Variants in PPP1R2B observed in about 807,000 individuals in gnomAD.
PPP1R2B encodes the protein protein phosphatase inhibitor 2 family member B.
In PPP1R2B, 13 loss-of-function variants were observed where a neutral mutation model predicts 17.6. The ratio of observed to expected loss-of-function variants is 0.74; its 90% CI spans 0.48 to 1.17. The LOEUF (loss-of-function observed/expected upper bound fraction) is 1.17, where lower values mean the gene tolerates loss of function less well. Among genes scored for constraint, PPP1R2B ranks in the 50% most tolerant of loss-of-function variants. The pLI is 0.00. For missense variants in PPP1R2B, 230 were observed against 252.4 expected, an observed-to-expected ratio of 0.91 and a Z score of 0.60; for synonymous variants, 105 against 95.4, an observed-to-expected ratio of 1.10 and a Z score of -0.59.
Position 156,850,849 on chromosome 5 carries a change from C to T in PPP1R2B, c.287C>T (p.Ala96Val). 4 of 1,560,112 alleles carry T rather than the reference C, an allele frequency of 2.6e-6. No individual in the cohort carries two copies. The highest frequency in any genetic ancestry group is 3.5e-6 in the Non-Finnish European group (4 of 1,132,066). The change falls in exon 1 of 1, where the codon GCG becomes GTG. Residue 96 changes from alanine (A) to valine (V), a missense_variant. Coordinates refer to ENST00000522232, the MANE Select transcript of PPP1R2B (RefSeq NM_206858.3). ...GACACCGAGACCACTGAAGCCATGG[C>T]GCCAGACATCCTAGCCAAGAAATTA... Reference protein sequence around the residue: ...CRDTETTEAMAPDILAKKLAA... With the variant: ...CRDTETTEAMVPDILAKKLAA...
chr5:156,851,276 C>G lies in PPP1R2B; in HGVS notation c.*96C>G. 1.1e-6 allele frequency: 1 copy of G among 946,818 alleles called. No homozygotes were observed. The highest frequency in any genetic ancestry group is 1.7e-6 in the Non-Finnish European group (1 of 594,216). The allele number at this position is 946,818 out of a possible 1,614,324, so 58.7% of individuals were successfully genotyped here. On this transcript the variant is annotated 3_prime_UTR_variant, in exon 1 of 1. Transcript: ENST00000522232. Reference sequence around the variant, plus strand: ...TCTCCACAATTCATGACTTAAGTACCAAAATGCATACCAGTTATTATATAT... The same window carrying G: ...TCTCCACAATTCATGACTTAAGTACGAAAATGCATACCAGTTATTATATAT...
At position 156,850,580 on chromosome 5, in the gene PPP1R2B, C is replaced by A. The variant is rs1396851536; in HGVS notation, c.18C>A (p.Ala6=). The change falls in exon 1 of 1, where the codon GCC becomes GCA. Residue 6 remains alanine, a synonymous_variant. Coordinates refer to ENST00000522232, the MANE Select transcript of PPP1R2B (RefSeq NM_206858.3). ...GCCCGGCAATGGCGGCCTCGACGGC[C>A]TCCCACCGGCCCATCAAGGGGATCT... The part of the protein sequence containing the change: MAAST[A]SHRPIKGILK... The A allele has an allele frequency of 6.3e-6, 10 of 1,591,552 alleles. No homozygotes were observed. The highest frequency in any genetic ancestry group is 8.6e-6 in the Non-Finnish European group (10 of 1,168,960).
At position 156,850,394 on chromosome 5, in the gene PPP1R2B, G is replaced by T. The variant is rs1307903899; in HGVS notation, c.-169G>T. 3 of 780,556 alleles carry T rather than the reference G, an allele frequency of 3.8e-6. No homozygotes were observed. The highest frequency in any genetic ancestry group is 3.5e-5 in the African/African-American group (2 of 56,742). The allele number at this position is 780,556 out of a possible 1,614,324, so 48.4% of individuals were successfully genotyped here. On this transcript the variant is annotated 5_prime_UTR_variant, in exon 1 of 1. Transcript: ENST00000522232. ...CCCATTCGGCGTTGGCTCTGGCGTCGGGGTCGTTGTGACAACCGCTCCAGT... is the reference window on the plus strand; with the variant it reads ...CCCATTCGGCGTTGGCTCTGGCGTCTGGGTCGTTGTGACAACCGCTCCAGT...
chr5:156,852,280 G>T lies in PPP1R2B; in HGVS notation c.*1100G>T, dbSNP rs1561530180. The T allele has an allele frequency of 6.6e-6, 1 of 152,026 alleles. No individual in the cohort carries two copies. Among genetic ancestry groups the T allele is most frequent in the African/African-American group, 2.4e-5 (1 of 41,404 alleles). The allele number at this position is 152,026 out of a possible 1,614,324, so 9.4% of individuals were successfully genotyped here. A position where few individuals can be genotyped will look rare whatever the true frequency, so the allele number is the denominator to read the frequency against. ...ATTAGTTTGGCTTAATTAGACTTAA[G>T]AAAACAACCGAGGGTTTTTTTTTGT... On this transcript the variant is annotated 3_prime_UTR_variant, in exon 1 of 1. Coordinates refer to ENST00000522232, the MANE Select transcript of PPP1R2B (RefSeq NM_206858.3).
At position 156,850,902 on chromosome 5, in the gene PPP1R2B, T is replaced by C. The variant is rs771361585; in HGVS notation, c.340T>C (p.Tyr114His). The C allele has an allele frequency of 1.2e-6, 2 of 1,610,590 alleles. No individual in the cohort carries two copies. Among genetic ancestry groups the C allele is most frequent in the Non-Finnish European group, 1.7e-6 (2 of 1,177,952 alleles). The change falls in exon 1 of 1, where the codon TAC becomes CAC. Residue 114 changes from tyrosine (Y) to histidine (H), a missense_variant. By Grantham distance (83) the Tyr-to-His change is moderately conservative. Coordinates refer to ENST00000522232, the MANE Select transcript of PPP1R2B (RefSeq NM_206858.3). ...TGCTGCTGAAGGCTTGGAGCCAAAGTACCGGATTCAGGAACAAGAAAGCAG... is the reference window on the plus strand; with the variant it reads ...TGCTGCTGAAGGCTTGGAGCCAAAGCACCGGATTCAGGAACAAGAAAGCAG... Reference protein sequence around the residue: ...LAAAEGLEPKYRIQEQESSGE... With the variant: ...LAAAEGLEPKHRIQEQESSGE...
Position 156,850,664 on chromosome 5 carries a change from G to C in PPP1R2B, c.102G>C (p.Arg34Ser). Residue 34 changes from arginine (R) to serine (S), a missense_variant, in exon 1 of 1, where the codon AGG (arginine) becomes AGC (serine). Physicochemically the swap from Arg to Ser is moderately radical, Grantham distance 110. Coordinates refer to ENST00000522232, the MANE Select transcript of PPP1R2B (RefSeq NM_206858.3). ...TGGCGTCGGCCGAACAGCCCCGCAG[G>C]AGTGTCGACGAGGAGCTGAGCAAAA... ...SMVASAEQPR[R>S]SVDEELSKKS... is the part of the protein sequence containing the mutation. 1 of 1,589,522 alleles carries C rather than the reference G, an allele frequency of 6.3e-7. No homozygotes were observed.
Position 156,850,935 on chromosome 5 carries a change from G to A in PPP1R2B, c.373G>A (p.Glu125Lys). 1 of 1,612,496 alleles carries A rather than the reference G, an allele frequency of 6.2e-7. No homozygotes were observed. Among genetic ancestry groups the A allele is most frequent in the Non-Finnish European group, 8.5e-7 (1 of 1,178,684 alleles). The change falls in exon 1 of 1, where the codon GAG becomes AAG. Residue 125 changes from glutamate (E) to lysine (K), a missense_variant. Transcript: ENST00000522232. ...TCAGGAACAAGAAAGCAGTGGAGAG[G>A]AGGATAGTGACCTCTCACCTGAAGA... ...RIQEQESSGE[E>K]DSDLSPEERE... is the part of the protein sequence containing the mutation.
At position 156,852,172 on chromosome 5, in the gene PPP1R2B, A is replaced by G. The variant is rs1426662328; in HGVS notation, c.*992A>G. ...ACATGAAGAAAATAGATTGAGTAGC[A>G]GCAGTACTATAGGCAGGAAATACAG... On this transcript the variant is annotated 3_prime_UTR_variant, in exon 1 of 1. Transcript: ENST00000522232. 6.6e-6 allele frequency: 1 copy of G among 152,188 alleles called. No homozygotes were observed. The highest frequency in any genetic ancestry group is 1.5e-5 in the Non-Finnish European group (1 of 68,000). The allele number at this position is 152,188 out of a possible 1,614,324, so 9.4% of individuals were successfully genotyped here. A position where few individuals can be genotyped will look rare whatever the true frequency, so the allele number is the denominator to read the frequency against.
In PPP1R2B at chr5:156,852,399, A is replaced by G. The variant is rs1391465640; in HGVS notation, c.*1219A>G. The G allele has an allele frequency of 6.6e-6, 1 of 152,066 alleles. No individual in the cohort carries two copies. The highest frequency in any genetic ancestry group is 1.5e-5 in the Non-Finnish European group (1 of 67,970). The allele number at this position is 152,066 out of a possible 1,614,324, so 9.4% of individuals were successfully genotyped here. A position where few individuals can be genotyped will look rare whatever the true frequency, so the allele number is the denominator to read the frequency against. On this transcript the variant is annotated 3_prime_UTR_variant, in exon 1 of 1. Transcript: ENST00000522232. ...CAGAAGTAAGCCTGGACATTTTTTA[A>G]TTTAAAAACTTTAAATAGTCCCTGC...
At position 156,851,322 on chromosome 5, in the gene PPP1R2B, A is replaced by C. The variant is rs1447028332; in HGVS notation, c.*142A>C. ...TATATTGCCAAGAATTAAATGATAA[A>C]CTTAGAGACTAATTAGACTGAAAAT... On this transcript the variant is annotated 3_prime_UTR_variant, in exon 1 of 1. Transcript: ENST00000522232. 1 of 690,774 alleles carries C rather than the reference A, an allele frequency of 1.4e-6. No individual in the cohort carries two copies. The highest frequency in any genetic ancestry group is 1.8e-5 in the African/African-American group (1 of 55,678). 42.8% of individuals were successfully genotyped at this position (690,774 alleles called of 1,614,324 possible).
In PPP1R2B at chr5:156,850,336, T is replaced by G. The variant is rs922038790; in HGVS notation, c.-227T>G. Among the ~76,000 whole-genome samples, 1 of 147,504 alleles carries G rather than the reference T, an allele frequency of 6.8e-6. No homozygotes were observed. Among genetic ancestry groups the G allele is most frequent in the Admixed American group, 7.0e-5 (1 of 14,222 alleles). On this transcript the variant is annotated 5_prime_UTR_variant, in exon 1 of 1. Coordinates refer to ENST00000522232, the MANE Select transcript of PPP1R2B (RefSeq NM_206858.3). ...ATCTCTCCGCGAGCCGCGGGTCAAG[T>G]GCCGGCGGCTAATGGTGCGCGAGGA...
In PPP1R2B at chr5:156,850,671, G is replaced by C. The variant is rs546353522; in HGVS notation, c.109G>C (p.Asp37His). The change falls in exon 1 of 1, where the codon GAC becomes CAC. Residue 37 changes from aspartate to histidine, a missense_variant. Coordinates refer to ENST00000522232, the MANE Select transcript of PPP1R2B (RefSeq NM_206858.3). Reference sequence around the variant, plus strand: ...GGCCGAACAGCCCCGCAGGAGTGTCGACGAGGAGCTGAGCAAAAAATCCCA... The same window carrying C: ...GGCCGAACAGCCCCGCAGGAGTGTCCACGAGGAGCTGAGCAAAAAATCCCA... ...ASAEQPRRSV[D>H]EELSKKSQKW... 1.9e-6 allele frequency: 3 copies of C among 1,587,550 alleles called. No homozygotes were observed. The highest frequency in any genetic ancestry group is 2.2e-5 in the South Asian group (2 of 90,266).
chr5:156,850,859 C>T lies in PPP1R2B; in HGVS notation c.297C>T (p.Ile99=). ...TETTEAMAPD[I]LAKKLAAAEG... ...CCACTGAAGCCATGGCGCCAGACAT[C>T]CTAGCCAAGAAATTAGCTGCTGCTG... The change falls in exon 1 of 1, where the codon ATC becomes ATT. Residue 99 remains isoleucine (I), a synonymous_variant. Transcript: ENST00000522232. 6.3e-7 allele frequency: 1 copy of T among 1,581,678 alleles called. No individual in the cohort carries two copies. The highest frequency in any genetic ancestry group is 1.4e-5 in the African/African-American group (1 of 74,020).
Position 156,850,506 on chromosome 5 carries a change from T to C in PPP1R2B, c.-57T>C. 6.4e-7 allele frequency: 1 copy of C among 1,556,428 alleles called. No individual in the cohort carries two copies. The highest frequency in any genetic ancestry group is 2.4e-5 in the East Asian group (1 of 41,714). ...CGAGTCTCTGCTGTGCCGACCCTTCTCTTCGCGGACCCCACGCCAAGCAGC... is the reference window on the plus strand; with the variant it reads ...CGAGTCTCTGCTGTGCCGACCCTTCCCTTCGCGGACCCCACGCCAAGCAGC... On this transcript the variant is annotated 5_prime_UTR_variant, in exon 1 of 1. Coordinates refer to ENST00000522232, the MANE Select transcript of PPP1R2B (RefSeq NM_206858.3).
At position 156,850,993 on chromosome 5, in the gene PPP1R2B, G is replaced by A. The variant is rs747338064; in HGVS notation, c.431G>A (p.Arg144Lys). ...REKKRQFEMR[R>K]KLHYNEGLNI... ...AAAAAGCGACAATTTGAAATGAGAA[G>A]GAAGCTTCACTACAATGAAGGACTC... Residue 144 changes from arginine to lysine, a missense_variant, in exon 1 of 1, where the codon AGG becomes AAG. Coordinates refer to ENST00000522232, the MANE Select transcript of PPP1R2B (RefSeq NM_206858.3). The A allele has an allele frequency of 1.4e-5, 22 of 1,613,302 alleles. No homozygotes were observed. The highest frequency in any genetic ancestry group is 2.2e-5 in the South Asian group (2 of 91,056).
chr5:156,851,059 A>G lies in PPP1R2B; in HGVS notation c.497A>G (p.His166Arg), dbSNP rs112029233. ...AGACAATTAATTTCAAAAGACCTAC[A>G]TGATGATGATGAAGATGAAGAAATG... ...LARQLISKDL[H>R]DDDEDEEMLE... is the part of the protein sequence containing the mutation. The change falls in exon 1 of 1, where the codon CAT (histidine) becomes CGT (arginine). Residue 166 changes from histidine to arginine, a missense_variant. By Grantham distance (29) the His-to-Arg change is conservative (BLOSUM62 0). Coordinates refer to ENST00000522232, the MANE Select transcript of PPP1R2B (RefSeq NM_206858.3). The G allele has an allele frequency of 1.1e-3, 1,802 of 1,604,212 alleles. 16 individuals carry two copies. In the African/African-American group the frequency reaches 0.021, roughly 18 times the overall value.
Position 156,850,759 on chromosome 5 carries a change from T to C in PPP1R2B, c.197T>C (p.Met66Thr), listed in dbSNP as rs1758469248. The C allele has an allele frequency of 6.6e-7, 1 of 1,515,498 alleles. No individual in the cohort carries two copies. The highest frequency in any genetic ancestry group is 9.2e-7 in the Non-Finnish European group (1 of 1,090,546). 93.9% of individuals were successfully genotyped at this position (1,515,498 alleles called of 1,614,324 possible). A position where few individuals can be genotyped will look rare whatever the true frequency, so the allele number is the denominator to read the frequency against. ...YHPADKGYGL[M>T]KIDEPSPPYH... ...CCAGCAGACAAAGGCTATGGTTTAA[T>C]GAAAATAGATGAACCAAGCCCTCCT... is the stretch of plus-strand genomic sequence containing the variant. The change falls in exon 1 of 1, where the codon ATG becomes ACG. Residue 66 changes from methionine (M) to threonine (T), a missense_variant. Transcript: ENST00000522232.
chr5:156,851,832 T>C lies in PPP1R2B; in HGVS notation c.*652T>C, dbSNP rs1167017736. On this transcript the variant is annotated 3_prime_UTR_variant, in exon 1 of 1. Coordinates refer to ENST00000522232, the MANE Select transcript of PPP1R2B (RefSeq NM_206858.3). ...AATTATCAGGTTAAACTTTCACCAA[T>C]GTCTGCTCTGTTTTTTGGCAGGGGG... 1 of 152,756 alleles carries C rather than the reference T, an allele frequency of 6.5e-6. No individual in the cohort carries two copies. The allele number at this position is 152,756 out of a possible 1,614,324, so 9.5% of individuals were successfully genotyped here.
Position 156,851,180 on chromosome 5 carries a change from G to T in PPP1R2B, c.618G>T (p.Ter206TyrextTer46), listed in dbSNP as rs755379652. ...DQQQNKLRSS[*>Y] ...AGCAAAACAAATTACGAAGTTCATA[G>T]AAGAGATTTGTTCAACACTGCAATT... The change falls in exon 1 of 1, where the codon TAG (stop) becomes TAT (tyrosine). Residue 206 changes from the stop codon to tyrosine, a stop_lost. Coordinates refer to ENST00000522232, the MANE Select transcript of PPP1R2B (RefSeq NM_206858.3). 2.9e-5 allele frequency: 45 copies of T among 1,555,796 alleles called. No homozygotes were observed. Among genetic ancestry groups the T allele is most frequent in the Non-Finnish European group, 3.7e-5 (42 of 1,127,362 alleles).
Sources: allele counts gnomAD v4.1 joint callset (sites outside exome capture counted in the v4.1 genomes callset), GRCh38; gene constraint gnomAD v4.1.1; transcripts MANE v1.5; gene names NCBI Gene and HGNC (gene_info 2026-07-23, HGNC 2026-07-21).